The following HIBCH variants were observed in gnomAD, a reference collection of about 807,000 sequenced individuals.
HIBCH encodes 3-hydroxyisobutyryl-CoA hydrolase.
Under a neutral mutation model 58.2 loss-of-function variants are expected in HIBCH, and 50 were observed. The ratio of observed to expected loss-of-function variants is 0.86; its 90% CI spans 0.68 to 1.09. The LOEUF (loss-of-function observed/expected upper bound fraction) is 1.09, where lower values mean the gene tolerates loss of function less well. Ranked by LOEUF, HIBCH falls within the 50% of genes least tolerant of loss-of-function variation. The pLI, the probability that HIBCH is intolerant of heterozygous loss-of-function variation, is 0.00. For synonymous variants in HIBCH, 151 were observed against 146.9 expected (o/e 1.03, Z -0.20); for missense variants, 450 against 449.7 (o/e 1.00, Z -0.01).
chr2:190,194,391 T>G (rs185577890), intron 1 of HIBCH, among the ~76,000 whole-genome samples: 1 of 151,456 alleles, frequency 6.6e-6, no homozygotes, highest in African/African-American at 2.4e-5. Context: ...GTGTATTTTT[T>G]AAAAAAATAA....
intron 9 of HIBCH, among the ~76,000 whole-genome samples, chr2:190,247,858 C>T (rs2664276): frequency 0.31 from 47,591 of 151,974 alleles, 8,600 homozygotes; most frequent in African/African-American, 0.48. Flanking sequence ...TATTTTATAA[C>T]TATAAATTAA....
intron 1 of HIBCH, among the ~76,000 whole-genome samples, chr2:190,190,977 C>G (rs1055015456): frequency 6.6e-6 from 1 of 152,086 alleles, no homozygotes; most frequent in Non-Finnish European, 1.5e-5. Context: ...TCATCTGTCC[C>G]TATAGTTTTG....
intron 2 of HIBCH, among the ~76,000 whole-genome samples, chr2:190,298,984 C>T (rs1303995415): frequency 1.3e-5 from 2 of 152,118 alleles, no homozygotes; most frequent in Admixed American, 6.5e-5. Flanking sequence ...TTTCCCAGCA[C>T]CATTTATTAA....
At chr2:190,272,559 C>T (rs1687427733) in intron 6 of HIBCH, among the ~76,000 whole-genome samples, 1 of 152,018 alleles carries the variant, frequency 6.6e-6, no homozygotes, top group Admixed American at 6.6e-5. Flanking sequence ...CAAAAGGTGC[C>T]TGCTACTTGA....
At chr2:190,225,193 C>T (rs929960321) in intron 11 of HIBCH, among the ~76,000 whole-genome samples, 4 of 152,192 alleles carry the variant, frequency 2.6e-5, no homozygotes, top group Admixed American at 2.6e-4. Context: ...GACACCCTAA[C>T]ATCACAATTA....
downstream of HIBCH, chr2:190,200,909 A>G (rs1690217226): frequency 6.0e-6 from 1 of 167,108 alleles, no homozygotes; most frequent in Non-Finnish European, 1.5e-5. Context: ...AATCTTAAAA[A>G]TAACAGAAAC....
chr2:190,227,027 C>A (rs1685924666), intron 11 of HIBCH, among the ~76,000 whole-genome samples: 1 of 151,948 alleles, frequency 6.6e-6, no homozygotes, highest in South Asian at 2.1e-4. Flanking sequence ...AGATTCAATG[C>A]CATCCCCATC....
At position 190,290,420 on chromosome 2, in the gene HIBCH, G is replaced by A; in HGVS notation, c.370C>T (p.Leu124=). 6.2e-7 allele frequency: 1 copy of A among 1,607,446 alleles called. No individual in the cohort carries two copies. The highest frequency in any genetic ancestry group is 8.5e-7 in the Non-Finnish European group (1 of 1,174,454). ...APVFFREEYM[L]NNAVGSCQKP... is the part of the protein sequence containing the mutation. ...ATACACATACCAACAGCATTATTCA[G>A]CATATATTCTTCTCTGAAGAAAACT... The change falls in exon 5 of 14, where the codon CTG becomes TTG. Residue 124 remains leucine, a synonymous_variant. Coordinates refer to ENST00000359678, the MANE Select transcript of HIBCH (RefSeq NM_014362.4).
At chr2:190,296,983 A>T (rs1323235422) in intron 2 of HIBCH, 30 bp from the exon 3 acceptor site, 12 of 1,610,578 alleles carry the variant, frequency 7.5e-6, no homozygotes, top group Non-Finnish European at 1.0e-5. Flanking sequence ...CTTTATGACA[A>T]AATTTCTTAA....
intron 6 of HIBCH, among the ~76,000 whole-genome samples, chr2:190,283,148 A>G (rs1310986491): frequency 6.6e-6 from 1 of 152,220 alleles, no homozygotes; most frequent in Non-Finnish European, 1.5e-5. Flanking sequence ...GATTTGTTAG[A>G]TATGAGTTCT....
intron 11 of HIBCH, among the ~76,000 whole-genome samples, chr2:190,232,617 T>C (rs182590740): frequency 6.6e-6 from 1 of 152,206 alleles, no homozygotes; most frequent in African/African-American, 2.4e-5. Flanking sequence ...AACTATACGT[T>C]GGTGCAGAAG....
chr2:190,234,880 T>G (rs894290731), intron 11 of HIBCH, among the ~76,000 whole-genome samples: 4 of 151,150 alleles, frequency 2.6e-5, no homozygotes, highest in African/African-American at 9.7e-5. Context: ...GAGAAGCCAG[T>G]ATAATGGTTA....
intron 11 of HIBCH, among the ~76,000 whole-genome samples, chr2:190,237,170 A>G (rs535432398): frequency 1.7e-4 from 26 of 152,358 alleles, no homozygotes; most frequent in Middle Eastern, 3.4e-3. Context: ...ATAAGTGTAT[A>G]CAGTTGTATA....
intron 11 of HIBCH, among the ~76,000 whole-genome samples, chr2:190,238,285 C>A (rs1461521557): frequency 6.6e-6 from 1 of 152,170 alleles, no homozygotes; most frequent in East Asian, 1.9e-4. Context: ...TACACTCCCA[C>A]CAACAGTGTA....
At chr2:190,234,145 G>A (rs1051222470) in intron 11 of HIBCH, among the ~76,000 whole-genome samples, 3 of 152,184 alleles carry the variant, frequency 2.0e-5, no homozygotes, top group Non-Finnish European at 1.5e-5. Context: ...CAACAAGAGT[G>A]AAACTCCATC....
rs191996099 is a variant in HIBCH, at chr2:190,243,977, C to T, written c.891+910G>A. ...AGGGCAAGATTCTGTCTCAAAAAAA[C>T]GAAAACAAAAAAAATACAGTGACAA... On this transcript the variant is annotated intron_variant, in intron 11 of 13. Transcript: ENST00000359678. The surrounding 1 kb of genome is among the most constrained non-coding windows in gnomAD (Gnocchi z 4.1). 8.5e-3 allele frequency among the ~76,000 whole-genome samples: 1,298 copies of T among 151,968 alleles called. 5 individuals carry two copies. The highest frequency in any genetic ancestry group is 0.013 in the Non-Finnish European group (851 of 67,938).
chr2:190,287,915 G>T (rs1280371117), intron 5 of HIBCH, among the ~76,000 whole-genome samples: 1 of 152,074 alleles, frequency 6.6e-6, no homozygotes, highest in African/African-American at 2.4e-5. Context: ...TAACCTCTTT[G>T]GGAGGCCAAG....
chr2:190,300,735 T>C lies in HIBCH; in HGVS notation c.79-3782A>G, dbSNP rs181385801. 1.7e-4 allele frequency among the ~76,000 whole-genome samples: 26 copies of C among 152,368 alleles called. 1 individual carries two copies. Among genetic ancestry groups the C allele is most frequent in the Admixed American group, 1.5e-3 (23 of 15,304 alleles). ...GTCATGAAATCTTTGCCCGTTCTTA[T>C]GTCAAGAATGATACTGCCTAGGTTG... On this transcript the variant is annotated intron_variant, in intron 2 of 13. Transcript: ENST00000359678.
intron 11 of HIBCH, among the ~76,000 whole-genome samples, chr2:190,230,226 A>G (rs1686052934): frequency 6.6e-6 from 1 of 152,200 alleles, no homozygotes; most frequent in African/African-American, 2.4e-5. Flanking sequence ...ATTCTGACCA[A>G]TAAAGAGCCT....
Sources: allele counts gnomAD v4.1 joint callset (sites outside exome capture counted in the v4.1 genomes callset), GRCh38; gene constraint gnomAD v4.1.1; non-coding constraint Gnocchi (gnomAD v3.1); transcripts MANE v1.5; gene names NCBI Gene and HGNC (gene_info 2026-07-23, HGNC 2026-07-21).